ESF1: variants seen among roughly 807,000 people sequenced by gnomAD.
ESF1 encodes ESF1 nucleolar pre-rRNA processing protein.
Under a neutral mutation model 92.0 loss-of-function variants are expected in ESF1, and 58 were observed. The observed-to-expected ratio is 0.63, with a 90% confidence interval of 0.51 to 0.78. The LOEUF is 0.78. Ranked by LOEUF, ESF1 falls within the 30% of genes least tolerant of loss-of-function variation. The pLI is 0.00. For missense variants in ESF1, 922 were observed against 989.1 expected, an observed-to-expected ratio of 0.93 and a Z score of 0.91; for synonymous variants, 321 against 313.7, an observed-to-expected ratio of 1.02 and a Z score of -0.24.
intron 9 of ESF1, among the ~76,000 whole-genome samples, chr20:13,751,064 T>A (rs773254632): frequency 6.6e-6 from 1 of 152,236 alleles, no homozygotes; most frequent in Non-Finnish European, 1.5e-5. Flanking sequence ...AAGGTTATTA[T>A]GTTATCCATT....
Position 13,760,060 on chromosome 20 carries a change from T to C in ESF1, c.1667-207A>G, listed in dbSNP as rs143824458. ...ATAAATTTGCACTGTCATAGCAGTA[T>C]GCTTGGGAATGCCCCTTTTTATTAA... On this transcript the variant is annotated intron_variant, in intron 8 of 13. Coordinates refer to ENST00000617257, the MANE Select transcript of ESF1 (RefSeq NM_001276380.2). Among the ~76,000 whole-genome samples, 974 of 152,396 alleles carry C rather than the reference T, an allele frequency of 6.4e-3. 19 individuals carry two copies. Among genetic ancestry groups the C allele is most frequent in the Admixed American group, 0.033 (505 of 15,310 alleles).
intron 9 of ESF1, among the ~76,000 whole-genome samples, chr20:13,741,631 T>C (rs574619567): frequency 6.6e-6 from 1 of 152,142 alleles, no homozygotes. Flanking sequence ...CTACCTCATA[T>C]TAAAAAAAAC....
intron 9 of ESF1, among the ~76,000 whole-genome samples, chr20:13,748,556 A>G (rs1446008556): frequency 0.041 from 1,971 of 47,632 alleles, 65 homozygotes; most frequent in African/African-American, 0.14. Context: ...GTGTATATAT[A>G]TATATATATG....
chr20:13,784,509 T>C (rs1276168168), intron 1 of ESF1, among the ~76,000 whole-genome samples: 1 of 152,150 alleles, frequency 6.6e-6, no homozygotes, highest in African/African-American at 2.4e-5. Context: ...ACTCATTATA[T>C]GTCAGATAAT....
At chr20:13,767,011 T>C in intron 7 of ESF1, 87 bp from the exon 8 acceptor site, 2 of 1,269,368 alleles carry the variant, frequency 1.6e-6, no homozygotes, top group Non-Finnish European at 2.2e-6. Flanking sequence ...TTAACCTGGA[T>C]GTTTAACAGT....
chr20:13,714,667 T>C lies in ESF1; in HGVS notation c.*207A>G. ...CCCTATAATGCAGGTAATTTAATTA[T>C]GACTGATCTGTAGGAATATACAATA... On this transcript the variant is annotated 3_prime_UTR_variant, in exon 14 of 14. Coordinates refer to ENST00000617257, the MANE Select transcript of ESF1 (RefSeq NM_001276380.2). 1 of 471,976 alleles carries C rather than the reference T, an allele frequency of 2.1e-6. No homozygotes were observed. Among genetic ancestry groups the C allele is most frequent in the Admixed American group, 3.7e-5 (1 of 26,682 alleles). The allele number at this position is 471,976 out of a possible 1,614,324, so 29.2% of individuals were successfully genotyped here.
At chr20:13,747,924 C>T (rs1302008156) in intron 9 of ESF1, among the ~76,000 whole-genome samples, 1 of 152,130 alleles carries the variant, frequency 6.6e-6, no homozygotes, top group Non-Finnish European at 1.5e-5. Context: ...GGCTACAAAC[C>T]TGTACAGCAT....
At chr20:13,767,196 C>T (rs113315169) in intron 7 of ESF1, among the ~76,000 whole-genome samples, 13 of 152,152 alleles carry the variant, frequency 8.5e-5, no homozygotes, top group East Asian at 3.9e-4. Flanking sequence ...AAATTAATTA[C>T]GGTGCAAAAA....
At chr20:13,742,880 C>A (rs977988742) in intron 9 of ESF1, among the ~76,000 whole-genome samples, 1 of 152,138 alleles carries the variant, frequency 6.6e-6, no homozygotes, top group African/African-American at 2.4e-5. Context: ...AAACCCTGTT[C>A]CCGCCCTCCC....
intron 8 of ESF1, chr20:13,763,023 G>T: frequency 4.7e-6 from 1 of 211,112 alleles, no homozygotes; most frequent in Non-Finnish European, 9.5e-6. Context: ...ACTACGCCCG[G>T]CTAATTTTTT....
At chr20:13,736,814 C>T (rs912779713) in intron 9 of ESF1, among the ~76,000 whole-genome samples, 2 of 151,856 alleles carry the variant, frequency 1.3e-5, no homozygotes, top group African/African-American at 4.9e-5. Context: ...TTGTTTACAA[C>T]AATAAAGAAA....
intron 7 of ESF1, among the ~76,000 whole-genome samples, chr20:13,768,051 A>T (rs1314372073): frequency 6.6e-6 from 1 of 152,216 alleles, no homozygotes; most frequent in Non-Finnish European, 1.5e-5. Context: ...GCTGGCCCTG[A>T]TCATTATGTT....
chr20:13,784,583 C>T (rs1351609678), intron 1 of ESF1, among the ~76,000 whole-genome samples: 1 of 152,134 alleles, frequency 6.6e-6, no homozygotes, highest in African/African-American at 2.4e-5. Context: ...GTAGCCCACC[C>T]TCCCCTTCTG....
intron 9 of ESF1, among the ~76,000 whole-genome samples, chr20:13,737,744 C>T (rs1194244032): frequency 6.6e-6 from 1 of 152,162 alleles, no homozygotes; most frequent in Non-Finnish European, 1.5e-5. Flanking sequence ...ACCTCCGCCT[C>T]CCAGATGCAA....
At chr20:13,737,956 G>A (rs746071026) in intron 9 of ESF1, among the ~76,000 whole-genome samples, 26 of 152,060 alleles carry the variant, frequency 1.7e-4, no homozygotes, top group Admixed American at 4.6e-4. Context: ...ACACTTGGCC[G>A]AACAGAGTAT....
At chr20:13,760,664 G>A (rs1033769826) in intron 8 of ESF1, among the ~76,000 whole-genome samples, 16 of 151,406 alleles carry the variant, frequency 1.1e-4, no homozygotes, top group East Asian at 3.9e-4. Context: ...GGAGGGAGGC[G>A]GGGGGTCAGC....
intron 2 of ESF1, among the ~76,000 whole-genome samples, chr20:13,778,769 G>A (rs1474873533): frequency 2.0e-5 from 3 of 152,052 alleles, no homozygotes; most frequent in Non-Finnish European, 2.9e-5. Context: ...ATCTGCAGCC[G>A]AGCACAGCTG....
At chr20:13,781,530 A>G (rs1168237802) in intron 2 of ESF1, among the ~76,000 whole-genome samples, 1 of 152,166 alleles carries the variant, frequency 6.6e-6, no homozygotes, top group African/African-American at 2.4e-5. Flanking sequence ...GGGCATTTAT[A>G]AAAGGACAAG....
rs746933130 is a variant in ESF1, at chr20:13,771,406, G to A, written c.1328C>T (p.Pro443Leu). ...YYYAVVDCDS[P>L]ETASKIYEDC... is the part of the protein sequence containing the mutation. ...CTCATAAATTTTACTAGCTGTTTCC[G>A]GAGAATCACAGTCTACTACTGCATA... is the stretch of plus-strand genomic sequence containing the variant. Residue 443 changes from proline to leucine, a missense_variant, in exon 6 of 14, where the codon CCG becomes CTG. By Grantham distance (98) the Pro-to-Leu change is moderately conservative. Coordinates refer to ENST00000617257, the MANE Select transcript of ESF1 (RefSeq NM_001276380.2). The A allele has an allele frequency of 2.0e-5, 33 of 1,612,754 alleles. No individual in the cohort carries two copies. The highest frequency in any genetic ancestry group is 7.7e-5 in the South Asian group (7 of 91,040).
Sources: gnomAD v4.1 joint callset for allele counts (sites outside exome capture counted in the v4.1 genomes callset) on GRCh38, gnomAD v4.1.1 for gene constraint, MANE v1.5 for transcripts, NCBI Gene and HGNC (gene_info 2026-07-23, HGNC 2026-07-21) for gene names.